PCSK5: variants seen among roughly 807,000 people sequenced by gnomAD.
The protein encoded by PCSK5 is prohormone convertase 5.
Under a neutral mutation model 233.2 loss-of-function variants are expected in PCSK5, and 129 were observed. The ratio of observed to expected loss-of-function variants is 0.55; its 90% CI spans 0.48 to 0.64. The LOEUF (loss-of-function observed/expected upper bound fraction) is 0.64. PCSK5 is among the 30% of genes least tolerant of loss of function. The probability of loss-of-function intolerance (pLI) is 0.00; values close to 1 mark genes in which losing one functional copy is unlikely to be tolerated. For synonymous variants in PCSK5, 825 were observed against 879.2 expected (o/e 0.94, Z 1.09); for missense variants, 2,076 against 2,430.1 (o/e 0.85, Z 3.06).
intron 20 of PCSK5, among the ~76,000 whole-genome samples, chr9:76,197,206 G>A (rs1008027049): frequency 2.0e-5 from 3 of 152,156 alleles, no homozygotes; most frequent in African/African-American, 7.2e-5. Flanking sequence ...AAATTTGGTG[G>A]TTTAGTCCAG....
At chr9:76,056,584 C>A (rs1829826376) in intron 5 of PCSK5, among the ~76,000 whole-genome samples, 2 of 152,076 alleles carry the variant, frequency 1.3e-5, no homozygotes, top group Admixed American at 1.3e-4. Context: ...AACTTTAGAC[C>A]TTTAATTATA....
At chr9:76,045,649 T>TA (rs1829340060) in intron 5 of PCSK5, among the ~76,000 whole-genome samples, 1 of 152,256 alleles carries the variant, frequency 6.6e-6, no homozygotes, top group Admixed American at 6.5e-5. Flanking sequence ...CAATGTCTCT[T>TA]GACTAATCAA....
At chr9:76,277,844 T>C (rs1827740846) in intron 24 of PCSK5, among the ~76,000 whole-genome samples, 1 of 152,234 alleles carries the variant, frequency 6.6e-6, no homozygotes, top group African/African-American at 2.4e-5. Context: ...TTGGGGCTTA[T>C]AATTAGTTGC....
intron 13 of PCSK5, among the ~76,000 whole-genome samples, chr9:76,173,587 A>G (rs1823437555): frequency 1.4e-5 from 2 of 147,836 alleles, no homozygotes; most frequent in Non-Finnish European, 3.0e-5. Flanking sequence ...AACAAATAAG[A>G]ACTAAACTAA....
intron 5 of PCSK5, among the ~76,000 whole-genome samples, chr9:76,064,833 C>T (rs536389914): frequency 6.6e-6 from 1 of 152,240 alleles, no homozygotes; most frequent in South Asian, 2.1e-4. Context: ...CAGAGACGCT[C>T]CTCACTTCCT....
intron 3 of PCSK5, among the ~76,000 whole-genome samples, chr9:75,990,821 T>TA (rs1396582826): frequency 1.3e-5 from 2 of 152,204 alleles, no homozygotes; most frequent in Admixed American, 6.5e-5. Flanking sequence ...GCAGAACTGT[T>TA]AAACAGATCC....
In PCSK5 at chr9:76,040,603, G is replaced by C. The variant is rs188910009; in HGVS notation, c.632+13566G>C. On this transcript the variant is annotated intron_variant, in intron 5 of 37. Coordinates refer to ENST00000674117, the MANE Select transcript of PCSK5 (RefSeq NM_001372043.1). ...ATTACCAGTGCCCCCTTTTTGCAGA[G>C]GAAGAAAGTAAAATTGAAGGCAGGC... Among the ~76,000 whole-genome samples, 776 of 152,102 alleles carry C rather than the reference G, an allele frequency of 5.1e-3. 9 individuals are homozygous for C. The highest frequency in any genetic ancestry group is 0.017 in the African/African-American group (692 of 41,504).
chr9:76,314,576 T>G (rs933436113), intron 30 of PCSK5, among the ~76,000 whole-genome samples: 1 of 152,164 alleles, frequency 6.6e-6, no homozygotes, highest in Non-Finnish European at 1.5e-5. Context: ...TCAGAGTTAT[T>G]TATAAGTTAG....
chr9:76,289,517 TACACAC>T (rs138282168), intron 24 of PCSK5, among the ~76,000 whole-genome samples: 2,073 of 119,448 alleles, frequency 0.017, 42 homozygotes, highest in African/African-American at 0.052. Context: ...ACACGCAACA[TACACAC>T]ACACACACAC....
chr9:76,212,601 A>G (rs1825373750), intron 20 of PCSK5, among the ~76,000 whole-genome samples: 2 of 152,322 alleles, frequency 1.3e-5, no homozygotes, highest in Admixed American at 1.3e-4. Context: ...GGCTCTGGCA[A>G]TGCTACCACC....
chr9:76,088,860 G>A (rs938850209), intron 7 of PCSK5, among the ~76,000 whole-genome samples: 6 of 151,562 alleles, frequency 4.0e-5, no homozygotes, highest in East Asian at 1.9e-4. Context: ...TGGAACAAAC[G>A]TTTTGTGTGA....
At chr9:75,995,293 A>T (rs970681315) in intron 3 of PCSK5, among the ~76,000 whole-genome samples, 1 of 152,180 alleles carries the variant, frequency 6.6e-6, no homozygotes, top group Non-Finnish European at 1.5e-5. Context: ...AAAAATCATC[A>T]TGGAAACCTT....
intron 5 of PCSK5, among the ~76,000 whole-genome samples, chr9:76,028,211 A>G (rs1210770563): frequency 2.6e-5 from 4 of 152,236 alleles, no homozygotes; most frequent in African/African-American, 9.6e-5. Context: ...AGAGAGACCT[A>G]CATTAAACTG....
chr9:76,320,882 T>G (rs1829179605), intron 30 of PCSK5, among the ~76,000 whole-genome samples: 1 of 151,386 alleles, frequency 6.6e-6, no homozygotes, highest in Non-Finnish European at 1.5e-5. Context: ...TGGCATGATC[T>G]CGGCTCACTG....
At chr9:76,329,512 T>C (rs1829465207) in intron 33 of PCSK5, among the ~76,000 whole-genome samples, 1 of 152,138 alleles carries the variant, frequency 6.6e-6, no homozygotes, top group South Asian at 2.1e-4. Flanking sequence ...CACACTTTCT[T>C]TTTCTTTCAC....
intron 7 of PCSK5, among the ~76,000 whole-genome samples, chr9:76,077,718 G>A (rs1047277303): frequency 6.6e-6 from 1 of 152,158 alleles, no homozygotes; most frequent in Non-Finnish European, 1.5e-5. Flanking sequence ...TATCCATGTT[G>A]CTACAAAGGA....
intron 2 of PCSK5, among the ~76,000 whole-genome samples, chr9:75,982,749 C>CT (rs528976970): frequency 0.013 from 1,335 of 100,668 alleles, 11 homozygotes; most frequent in South Asian, 0.034. Context: ...CCCTGTGGTG[C>CT]TTTTTTTTTT....
intron 2 of PCSK5, among the ~76,000 whole-genome samples, chr9:75,936,404 T>G (rs1300910763): frequency 6.6e-6 from 1 of 152,244 alleles, no homozygotes; most frequent in Admixed American, 6.5e-5. Flanking sequence ...AGAACTTCTT[T>G]CAAAATTGGA....
At chr9:75,963,271 G>A (rs1484102146) in intron 2 of PCSK5, among the ~76,000 whole-genome samples, 1 of 152,094 alleles carries the variant, frequency 6.6e-6, no homozygotes, top group African/African-American at 2.4e-5. Context: ...TGGCTCTTCT[G>A]GGCTTCAGGC....
Sources: gnomAD v4.1 joint callset for allele counts (sites outside exome capture counted in the v4.1 genomes callset) on GRCh38, gnomAD v4.1.1 for gene constraint, MANE v1.5 for transcripts, NCBI Gene and HGNC (gene_info 2026-07-23, HGNC 2026-07-21) for gene names.